The following TTC27 variants were observed in gnomAD, a reference collection of about 807,000 sequenced individuals.
The protein encoded by TTC27 is tetratricopeptide repeat protein 27.
A neutral mutation model predicts 115.9 loss-of-function variants in TTC27; 79 were observed. The observed-to-expected ratio is 0.68, with a 90% CI of 0.57 to 0.82. The LOEUF (loss-of-function observed/expected upper bound fraction) is 0.82, where lower values mean the gene tolerates loss of function less well. TTC27 is among the 40% of genes least tolerant of loss of function. TTC27 has a pLI of 0.00. For synonymous variants in TTC27, 401 were observed against 356.0 expected, an observed-to-expected ratio of 1.13 and a Z score of -1.42; for missense variants, 1,054 against 993.1, an observed-to-expected ratio of 1.06 and a Z score of -0.82.
chr2:32,798,382 A>G (rs7586652), intron 16 of TTC27, among the ~76,000 whole-genome samples: 29,065 of 149,814 alleles, frequency 0.19, 4,022 homozygotes, highest in African/African-American at 0.4. Flanking sequence ...CCTGGGCGAC[A>G]GAGCGCGACT....
At chr2:32,744,972 C>T (rs545277459) in intron 12 of TTC27, among the ~76,000 whole-genome samples, 4 of 138,416 alleles carry the variant, frequency 2.9e-5, no homozygotes, top group South Asian at 2.5e-4. Context: ...CCTTTGAGCC[C>T]GGGAGGTGGA....
At chr2:32,656,949 T>A (rs1665345126) in intron 5 of TTC27, among the ~76,000 whole-genome samples, 1 of 151,934 alleles carries the variant, frequency 6.6e-6, no homozygotes, top group Non-Finnish European at 1.5e-5. Flanking sequence ...TAGGGAAGAA[T>A]AGGACTTAAA....
chr2:32,793,980 T>G (rs220659), intron 16 of TTC27, among the ~76,000 whole-genome samples: 68,428 of 152,026 alleles, frequency 0.45, 15,805 homozygotes, highest in South Asian at 0.61. Context: ...GACTAATGCA[T>G]TAAATATATT....
At chr2:32,706,270 A>T (rs1667366044) in intron 10 of TTC27, among the ~76,000 whole-genome samples, 8 of 151,050 alleles carry the variant, frequency 5.3e-5, no homozygotes, top group Admixed American at 5.3e-4. Flanking sequence ...TTTAGTAGAG[A>T]CGGGGTTTCA....
intron 10 of TTC27, among the ~76,000 whole-genome samples, chr2:32,707,870 G>T (rs1667431221): frequency 6.6e-6 from 1 of 152,064 alleles, no homozygotes; most frequent in Non-Finnish European, 1.5e-5. Context: ...TCCTTGGATA[G>T]ATGGCTGGTT....
Position 32,640,395 on chromosome 2 carries a change from A to G in TTC27, c.522A>G (p.Lys174=). The G allele has an allele frequency of 6.2e-7, 1 of 1,613,648 alleles. No homozygotes were observed. Among genetic ancestry groups the G allele is most frequent in the Non-Finnish European group, 8.5e-7 (1 of 1,179,966 alleles). The change falls in exon 4 of 20, where the codon AAA becomes AAG. Residue 174 remains lysine, a synonymous_variant. Transcript: ENST00000317907. ...TTATCCTAGTGAATGTAAGACATAA[A>G]CTGACAGCTATTCAGGTAAGGAAAG... ...ARIILVNVRH[K]LTAIQSLPWW...
chr2:32,751,189 G>C (rs745454460), intron 12 of TTC27, among the ~76,000 whole-genome samples: 1 of 150,424 alleles, frequency 6.6e-6, no homozygotes, highest in Non-Finnish European at 1.5e-5. Context: ...ACTATGTTAA[G>C]TTTATCATAA....
chr2:32,691,196 A>G (rs13397325), intron 9 of TTC27, among the ~76,000 whole-genome samples: 70,929 of 152,002 alleles, frequency 0.47, 16,810 homozygotes, highest in East Asian at 0.52. Context: ...TTTCTTTGCT[A>G]CTTTTCTGGG....
chr2:32,653,965 C>T (rs564943201), intron 5 of TTC27, among the ~76,000 whole-genome samples: 2 of 152,334 alleles, frequency 1.3e-5, no homozygotes, highest in African/African-American at 4.8e-5. Flanking sequence ...TTGCTTTCCA[C>T]CATTCTGCGT....
chr2:32,726,190 A>G (rs1051811800), intron 10 of TTC27, among the ~76,000 whole-genome samples: 93 of 152,330 alleles, frequency 6.1e-4, no homozygotes, highest in African/African-American at 2.1e-3. Flanking sequence ...GGGGATTAAC[A>G]TTCGGCTCCT....
At chr2:32,820,489 A>C (rs1039663877) in intron 19 of TTC27, among the ~76,000 whole-genome samples, 2 of 152,260 alleles carry the variant, frequency 1.3e-5, no homozygotes, top group South Asian at 4.1e-4. Flanking sequence ...ATACACAATA[A>C]ATAAAGTCAT....
intron 9 of TTC27, among the ~76,000 whole-genome samples, chr2:32,695,736 A>G (rs2151897248): frequency 6.8e-6 from 1 of 146,008 alleles, no homozygotes; most frequent in African/African-American, 2.5e-5. Flanking sequence ...AAAAAAAAAA[A>G]AAAAAAAAAA....
chr2:32,645,647 C>T (rs1367211164), intron 4 of TTC27, among the ~76,000 whole-genome samples: 1 of 152,004 alleles, frequency 6.6e-6, no homozygotes, highest in Non-Finnish European at 1.5e-5. Flanking sequence ...GTGCTGTACC[C>T]ATTAACTCGT....
At chr2:32,775,620 C>T (rs368663008) in intron 13 of TTC27, among the ~76,000 whole-genome samples, 4 of 152,032 alleles carry the variant, frequency 2.6e-5, no homozygotes, top group African/African-American at 9.7e-5. Flanking sequence ...TTGATTTAGT[C>T]TCAAAATAAG....
chr2:32,663,877 G>A lies in TTC27; in HGVS notation c.641-426G>A, dbSNP rs1209552949. Among the ~76,000 whole-genome samples the A allele has an allele frequency of 3.3e-5, 5 of 152,034 alleles. No homozygotes were observed. The South Asian group carries it at 8.3e-4, about 25-fold the overall frequency. On this transcript the variant is annotated intron_variant, in intron 5 of 19. Coordinates refer to ENST00000317907, the MANE Select transcript of TTC27 (RefSeq NM_017735.5). ...TTTTTGTATCTTTAGTAGAGATGGG[G>A]TTTCACCATGTTGGTCAGGCTGGTC...
chr2:32,674,764 A>T lies in TTC27; in HGVS notation c.1052+2380A>T, dbSNP rs572973950. ...AAGCTCCACCTTCTGGGTTCATGCC[A>T]TTCTTCTGCGTCAGCCTCCTGAGTA... On this transcript the variant is annotated intron_variant, in intron 8 of 19. Coordinates refer to ENST00000317907, the MANE Select transcript of TTC27 (RefSeq NM_017735.5). Among the ~76,000 whole-genome samples, 83 of 150,960 alleles carry T rather than the reference A, an allele frequency of 5.5e-4. 1 individual carries two copies. The South Asian group carries it at 0.017, about 31-fold the overall frequency.
chr2:32,746,684 A>G (rs545396830), intron 12 of TTC27, among the ~76,000 whole-genome samples: 2 of 151,940 alleles, frequency 1.3e-5, no homozygotes, highest in South Asian at 2.1e-4. Flanking sequence ...ACATTTTGAT[A>G]TTGCAGAAGT....
chr2:32,702,747 C>A, intron 9 of TTC27, 60 bp from the exon 10 acceptor site: 2 of 1,101,012 alleles, frequency 1.8e-6, no homozygotes, highest in Non-Finnish European at 2.8e-6. Flanking sequence ...TTGTCCTATT[C>A]AGAATGAGAT....
chr2:32,809,879 G>A (rs1383746548), intron 16 of TTC27, among the ~76,000 whole-genome samples: 1 of 152,192 alleles, frequency 6.6e-6, no homozygotes, highest in African/African-American at 2.4e-5. Context: ...AGCACTTTGG[G>A]AGGCCAAGGC....
Sources: gnomAD v4.1 joint callset for allele counts (sites outside exome capture counted in the v4.1 genomes callset) on GRCh38, gnomAD v4.1.1 for gene constraint, MANE v1.5 for transcripts, NCBI Gene and HGNC (gene_info 2026-07-23, HGNC 2026-07-21) for gene names.